The following PHF19 variants were observed in gnomAD, a reference collection of about 807,000 sequenced individuals.
PHF19 encodes the protein PHD finger protein 19.
In PHF19, 21 loss-of-function variants were observed where a neutral mutation model predicts 79.8. That is an observed-to-expected ratio of 0.26 (90% CI 0.19 to 0.38). The LOEUF (loss-of-function observed/expected upper bound fraction) is 0.38, where lower values mean the gene tolerates loss of function less well. Among genes scored for constraint, PHF19 ranks in the 10% least tolerant of loss-of-function variants. The pLI, the probability that PHF19 is intolerant of heterozygous loss-of-function variation, is 1.00. For synonymous variants in PHF19, 273 were observed against 296.3 expected, an observed-to-expected ratio of 0.92 and a Z score of 0.81; for missense variants, 445 against 744.2, an observed-to-expected ratio of 0.60 and a Z score of 4.68.
upstream of PHF19, among the ~76,000 whole-genome samples, chr9:120,880,881 GC>G (rs1485389206): frequency 6.6e-6 from 1 of 151,662 alleles, no homozygotes; most frequent in Admixed American, 6.6e-5. Context: ...GATTGATTGA[GC>G]CCAGGAGTTT....
At chr9:120,878,468 C>T (rs937263249), upstream of PHF19, among the ~76,000 whole-genome samples, 1 of 152,218 alleles carries the variant, frequency 6.6e-6, no homozygotes, top group Non-Finnish European at 1.5e-5. Context: ...TGCAGACACC[C>T]CCACCAGACA....
upstream of PHF19, among the ~76,000 whole-genome samples, chr9:120,899,286 CAGG>C (rs1178424966): frequency 6.6e-6 from 1 of 151,430 alleles, no homozygotes; most frequent in Non-Finnish European, 1.5e-5. Context: ...ATCATGAGGT[CAGG>C]AGATCCAGAC....
At position 120,869,627 on chromosome 9, in the gene PHF19, TATTCCCGAC is replaced by T; in HGVS notation, c.465+209_465+217del. ...GTAAAGCATCATTTATTGGTCCCGTTATTCCCGACACCAAACCCATCTCCACTTTACAGT... is the reference window on the plus strand; with the variant it reads ...GTAAAGCATCATTTATTGGTCCCGTTACCAAACCCATCTCCACTTTACAGT... On this transcript the variant is annotated intron_variant, in intron 5 of 14. Coordinates refer to ENST00000373896, the MANE Select transcript of PHF19 (RefSeq NM_015651.3). The surrounding 1 kb of genome is among the most constrained non-coding windows in gnomAD (Gnocchi z 5.8). 4 of 1,524,202 alleles carry T rather than the reference TATTCCCGAC, an allele frequency of 2.6e-6. No individual in the cohort carries two copies. The South Asian group carries it at 4.9e-5, about 19-fold the overall frequency. The allele number at this position is 1,524,202 out of a possible 1,614,324, so 94.4% of individuals were successfully genotyped here.
Position 120,865,814 on chromosome 9 carries a change from G to A in PHF19, c.796C>T (p.Leu266=). The change falls in exon 9 of 15, where the codon CTG becomes TTG. Residue 266 remains leucine, a synonymous_variant. Transcript: ENST00000373896. ...LPLRWVDVVH[L]ALYNLGVQSK... Reference sequence around the variant, plus strand: ...TGTACCCCCAGATTATAGAGGGCCAGGTGAACCACATCCACCCTGGGCAAG... The same window carrying A: ...TGTACCCCCAGATTATAGAGGGCCAAGTGAACCACATCCACCCTGGGCAAG... The A allele has an allele frequency of 6.2e-7, 1 of 1,614,176 alleles. No individual in the cohort carries two copies. The highest frequency in any genetic ancestry group is 8.5e-7 in the Non-Finnish European group (1 of 1,180,010).
chr9:120,883,170 GA>G (rs1265832912), intron 1 of PHF19, among the ~76,000 whole-genome samples: 1 of 151,788 alleles, frequency 6.6e-6, no homozygotes, highest in East Asian at 1.9e-4. Flanking sequence ...CTTTTGTGGG[GA>G]AATGAGAGAA....
At position 120,856,150 on chromosome 9, in the gene PHF19, G is replaced by T. The variant is rs2045356267; in HGVS notation, c.*1794C>A. 6.5e-6 allele frequency: 1 copy of T among 152,840 alleles called. No individual in the cohort carries two copies. Among genetic ancestry groups the T allele is most frequent in the Admixed American group, 6.5e-5 (1 of 15,280 alleles). 9.5% of individuals were successfully genotyped at this position (152,840 alleles called of 1,614,324 possible). On this transcript the variant is annotated 3_prime_UTR_variant, in exon 15 of 15. Transcript: ENST00000373896. ...GTGGCAGCAGCTGTGGGGCTGAAAA[G>T]GGGGAAGAACTGGGTCCAACGCCAG...
In PHF19 at chr9:120,891,667, A is replaced by G. The variant is rs1761222557; in HGVS notation, c.42+3121T>C. The stretch of plus-strand genomic sequence containing the variant: ...CTCGGAACCCCACTATATTTGCCAT[A>G]TTTGTTGTGTTGAAAGAAAACTAGT... On this transcript the variant is annotated intron_variant, in intron 1 of 14. Coordinates refer to the PHF19 transcript ENST00000616568. The surrounding 1 kb of genome is among the most constrained non-coding windows in gnomAD (Gnocchi z 4.3). Among the ~76,000 whole-genome samples the G allele has an allele frequency of 6.6e-6, 1 of 152,124 alleles. No individual in the cohort carries two copies. Among genetic ancestry groups the G allele is most frequent in the African/African-American group, 2.4e-5 (1 of 41,414 alleles).
chr9:120,892,179 C>T (rs1360927606), intron 1 of PHF19, among the ~76,000 whole-genome samples: 1 of 152,206 alleles, frequency 6.6e-6, no homozygotes, highest in African/African-American at 2.4e-5. Flanking sequence ...TCAGACCAAA[C>T]AAAACTTACC....
intron 1 of PHF19, chr9:120,894,702 T>A: frequency 1.9e-6 from 1 of 532,258 alleles, no homozygotes; most frequent in East Asian, 4.2e-5. Context: ...GCGTTCCATA[T>A]GGCGGCGGCG....
rs1260201267 is a variant in PHF19, at chr9:120,862,235, A to C, written c.1131-230T>G. Among the ~76,000 whole-genome samples the C allele has an allele frequency of 6.6e-6, 1 of 152,194 alleles. No individual in the cohort carries two copies. The highest frequency in any genetic ancestry group is 1.5e-5 in the Non-Finnish European group (1 of 68,014). On this transcript the variant is annotated intron_variant, in intron 11 of 14. Coordinates refer to ENST00000373896, the MANE Select transcript of PHF19 (RefSeq NM_015651.3). This position sits in a 1 kb window ranked among gnomAD's most constrained non-coding sequence, Gnocchi z 4.6. ...GCAGAAAAAGAAAAGGTGCCTCCCC[A>C]GGCACATGCATCCAGATGCCCTGCC...
chr9:120,858,811 TCACACACACACACACACACACA>T lies in PHF19; in HGVS notation c.1401-547_1401-526del, dbSNP rs56042039. Among the ~76,000 whole-genome samples the T allele has an allele frequency of 5.7e-5, 7 of 122,802 alleles. No homozygotes were observed. In the South Asian group the frequency reaches 8.9e-4, roughly 16 times the overall value. The allele number at this position is 122,802 out of a possible 152,430, so 80.6% of individuals were successfully genotyped here. On this transcript the variant is annotated intron_variant, in intron 14 of 14. Transcript: ENST00000373896. ...GCCTGGATGGAGAGACTGACAGACA[TCACACACACACACACACACACA>T]CACACACACACACACACACACACAC...
chr9:120,877,962 C>T (rs538748014), upstream of PHF19, among the ~76,000 whole-genome samples: 2 of 152,290 alleles, frequency 1.3e-5, no homozygotes, highest in East Asian at 3.9e-4. Flanking sequence ...AAAGTCACAA[C>T]ACAGACGGGC....
At chr9:120,897,175 C>T (rs545852989), upstream of PHF19, among the ~76,000 whole-genome samples, 11 of 152,376 alleles carry the variant, frequency 7.2e-5, no homozygotes, top group African/African-American at 2.2e-4. Context: ...GCCTCACAAT[C>T]GAGTTCTCCT....
intron 1 of PHF19, among the ~76,000 whole-genome samples, chr9:120,893,571 T>C (rs764661642): frequency 7.2e-5 from 11 of 152,344 alleles, no homozygotes; most frequent in South Asian, 2.1e-4. Flanking sequence ...CTGATCCCTC[T>C]CCTGGTCATC....
intron 1 of PHF19, among the ~76,000 whole-genome samples, chr9:120,890,273 CTTTTT>C (rs10658749): frequency 0.44 from 50,818 of 115,356 alleles, 11,082 homozygotes; most frequent in Middle Eastern, 0.64. Flanking sequence ...AATGAGCCTG[CTTTTT>C]TTTTTTTTTT....
chr9:120,889,209 C>T (rs1360693671), intron 1 of PHF19, among the ~76,000 whole-genome samples: 2 of 152,060 alleles, frequency 1.3e-5, no homozygotes, highest in Non-Finnish European at 2.9e-5. Flanking sequence ...GGGCGGATCA[C>T]GAGGTCAGGA....
intron 1 of PHF19, among the ~76,000 whole-genome samples, chr9:120,890,728 A>G (rs972132321): frequency 1.3e-5 from 2 of 152,096 alleles, no homozygotes; most frequent in African/African-American, 2.4e-5. Flanking sequence ...TCAGCTCTCC[A>G]AATCCTATCC....
chr9:120,858,160 G>C lies in PHF19; in HGVS notation c.1527C>G (p.Val509=). Residue 509 remains valine (V), a synonymous_variant, in exon 15 of 15, where the codon GTC becomes GTG. Coordinates refer to ENST00000373896, the MANE Select transcript of PHF19 (RefSeq NM_015651.3). ...CAATGCCTTCGTCTGGCCGCTCGGGGACTGAAGCCCCCTCTGCACTGCTGT... is the reference window on the plus strand; with the variant it reads ...CAATGCCTTCGTCTGGCCGCTCGGGCACTGAAGCCCCCTCTGCACTGCTGT... ...PSDSSAEGAS[V]PERPDEGIDS... is the part of the protein sequence containing the mutation. The C allele has an allele frequency of 6.2e-7, 1 of 1,613,194 alleles. No homozygotes were observed. The highest frequency in any genetic ancestry group is 2.2e-5 in the East Asian group (1 of 44,852).
upstream of PHF19, among the ~76,000 whole-genome samples, chr9:120,878,645 C>G (rs972362052): frequency 6.6e-6 from 1 of 152,186 alleles, no homozygotes; most frequent in Non-Finnish European, 1.5e-5. Context: ...GTCCTTTCAC[C>G]TCCTTCCTCA....
Sources: gnomAD v4.1 joint callset for allele counts (sites outside exome capture counted in the v4.1 genomes callset) on GRCh38, gnomAD v4.1.1 for gene constraint, Gnocchi (gnomAD v3.1) non-coding constraint, MANE v1.5 for transcripts, NCBI Gene and HGNC (gene_info 2026-07-23, HGNC 2026-07-21) for gene names.